CADPS: variants seen among roughly 807,000 people sequenced by gnomAD.
CADPS encodes the protein calcium-dependent secretion activator 1.
In CADPS, 57 loss-of-function variants were observed where a neutral mutation model predicts 167.3. The observed-to-expected ratio is 0.34, with a 90% CI of 0.28 to 0.42. The LOEUF (loss-of-function observed/expected upper bound fraction) is 0.42. Ranked by LOEUF, CADPS falls within the 20% of genes least tolerant of loss-of-function variation. CADPS has a pLI of 1.00. For synonymous variants in CADPS, 676 were observed against 635.3 expected (o/e 1.06, Z -0.96); for missense variants, 1,414 against 1,738.1 (o/e 0.81, Z 3.32).
At chr3:62,796,440 C>T (rs775849311) in intron 1 of CADPS, 1 of 152,168 alleles carries the variant, frequency 6.6e-6, no homozygotes, top group Non-Finnish European at 1.5e-5. Context: ...TTTTAAGAAG[C>T]ATGCTTACAA....
At position 62,602,124 on chromosome 3, in the gene CADPS, C is replaced by G. The variant is rs528447297; in HGVS notation, c.1326-9376G>C. On this transcript the variant is annotated intron_variant, in intron 6 of 29. Transcript: ENST00000383710. The surrounding 1 kb of genome is among the most constrained non-coding windows in gnomAD (Gnocchi z 4.4). ...TTTGCCACATAGGGAATATACCTCC[C>G]AAAATGACAGTAAACATCCACTGCA... Among the ~76,000 whole-genome samples, 1 of 152,204 alleles carries G rather than the reference C, an allele frequency of 6.6e-6. No homozygotes were observed. Among genetic ancestry groups the G allele is most frequent in the South Asian group, 2.1e-4 (1 of 4,816 alleles).
intron 3 of CADPS, among the ~76,000 whole-genome samples, chr3:62,695,373 C>G (rs570228395): frequency 6.6e-6 from 1 of 152,172 alleles, no homozygotes; most frequent in African/African-American, 2.4e-5. Flanking sequence ...AGAGAGCCAG[C>G]AAACAGAAGT....
chr3:62,820,334 T>C (rs1307679485), intron 1 of CADPS, among the ~76,000 whole-genome samples: 1 of 152,136 alleles, frequency 6.6e-6, no homozygotes, highest in African/African-American at 2.4e-5. Flanking sequence ...ATTCCACAAA[T>C]AGAGAAACAG....
intron 1 of CADPS, among the ~76,000 whole-genome samples, chr3:62,805,040 A>G (rs1225471408): frequency 6.6e-6 from 1 of 152,136 alleles, no homozygotes; most frequent in East Asian, 1.9e-4. Flanking sequence ...GACATTTAGG[A>G]CCAGATAATT....
chr3:62,413,163 T>A (rs944066316), intron 28 of CADPS, among the ~76,000 whole-genome samples: 2 of 152,146 alleles, frequency 1.3e-5, no homozygotes, highest in East Asian at 3.9e-4. Context: ...GGCACTGATG[T>A]GAATTTTCAG....
Position 62,852,310 on chromosome 3 carries a change from G to T in CADPS, c.441+22279C>A, listed in dbSNP as rs530666634. ...ATTCTCCATCCAGCTTTGTTCCGTT[G>T]CTGGTGAGGAACTGCGTTCCTCAGA... On this transcript the variant is annotated intron_variant, in intron 1 of 29. Coordinates refer to ENST00000383710, the MANE Select transcript of CADPS (RefSeq NM_003716.4). Among the ~76,000 whole-genome samples, 5 of 152,146 alleles carry T rather than the reference G, an allele frequency of 3.3e-5. No individual in the cohort carries two copies. The East Asian group carries it at 9.7e-4, about 29-fold the overall frequency.
intron 13 of CADPS, among the ~76,000 whole-genome samples, chr3:62,524,125 C>A (rs970513465): frequency 6.6e-5 from 10 of 152,156 alleles, no homozygotes; most frequent in Admixed American, 5.2e-4. Context: ...TTTATTACTT[C>A]TAGTTTTAGA....
rs78721911 is a variant in CADPS, at chr3:62,520,725, G to C, written c.2292-2475C>G. 7.2e-3 allele frequency among the ~76,000 whole-genome samples: 1,098 copies of C among 152,276 alleles called. 18 individuals are homozygous for C. Among genetic ancestry groups the C allele is most frequent in the African/African-American group, 0.025 (1,033 of 41,554 alleles). On this transcript the variant is annotated intron_variant, in intron 13 of 29. Transcript: ENST00000383710. Reference sequence around the variant, plus strand: ...TAACTGCCAGAATTGCTCTGAAATGGTATTGGTAACAGGAGATGCTGCTTT... The same window carrying C: ...TAACTGCCAGAATTGCTCTGAAATGCTATTGGTAACAGGAGATGCTGCTTT...
At chr3:62,466,610 C>A in intron 24 of CADPS, 197 bp from the exon 25 acceptor site, 1 of 634,620 alleles carries the variant, frequency 1.6e-6, no homozygotes, top group Non-Finnish European at 2.8e-6. Flanking sequence ...AAAAATATTA[C>A]CAAGTTCATT....
chr3:62,661,086 C>T (rs1271737134), intron 4 of CADPS, among the ~76,000 whole-genome samples: 1 of 152,144 alleles, frequency 6.6e-6, no homozygotes, highest in Non-Finnish European at 1.5e-5. Flanking sequence ...CAGCACTCAA[C>T]TAATATGACT....
chr3:62,798,960 A>G (rs945636399), intron 1 of CADPS, among the ~76,000 whole-genome samples: 1 of 152,178 alleles, frequency 6.6e-6, no homozygotes, highest in African/African-American at 2.4e-5. Flanking sequence ...CTCTCTAGAC[A>G]TCAGCAGATA....
chr3:62,697,963 T>C (rs1192031659), intron 3 of CADPS, among the ~76,000 whole-genome samples: 1 of 152,072 alleles, frequency 6.6e-6, no homozygotes, highest in Non-Finnish European at 1.5e-5. Context: ...TCTTTCTTGC[T>C]AATTTGAGTT....
At chr3:62,651,131 T>A (rs1563355405) in intron 4 of CADPS, 51 bp from the exon 5 acceptor site, 1 of 1,319,552 alleles carries the variant, frequency 7.6e-7, no homozygotes, top group East Asian at 2.3e-5. Context: ...GAAAGCTGAT[T>A]TATAAAGAAG....
chr3:62,625,168 TAAATA>T (rs2063823603), intron 6 of CADPS: 1 of 150,028 alleles, frequency 6.7e-6, no homozygotes, highest in African/African-American at 2.5e-5. Flanking sequence ...ACCTGAATTT[TAAATA>T]AAAGTTAATA....
At chr3:62,746,506 T>C (rs2081487175) in intron 3 of CADPS, among the ~76,000 whole-genome samples, 1 of 152,126 alleles carries the variant, frequency 6.6e-6, no homozygotes, top group Non-Finnish European at 1.5e-5. Flanking sequence ...CTGGCTAATT[T>C]TTTAAATGTT....
chr3:62,408,101 T>C (rs549339189), intron 28 of CADPS, among the ~76,000 whole-genome samples: 1 of 152,294 alleles, frequency 6.6e-6, no homozygotes, highest in South Asian at 2.1e-4. Context: ...GTAAGAAGCT[T>C]AGATCATTAA....
intron 1 of CADPS, among the ~76,000 whole-genome samples, chr3:62,868,783 C>T (rs976613908): frequency 2.0e-5 from 3 of 152,098 alleles, no homozygotes; most frequent in African/African-American, 4.8e-5. Context: ...CCAAATACAA[C>T]TTTGAATGAA....
At chr3:62,772,032 CTACTT>C (rs1227402634) in intron 1 of CADPS, among the ~76,000 whole-genome samples, 1 of 152,072 alleles carries the variant, frequency 6.6e-6, no homozygotes, top group Non-Finnish European at 1.5e-5. Context: ...AAAGCAATAT[CTACTT>C]TACAGAGTCT....
chr3:62,799,446 A>G (rs897672532), intron 1 of CADPS, among the ~76,000 whole-genome samples: 1 of 152,158 alleles, frequency 6.6e-6, no homozygotes, highest in African/African-American at 2.4e-5. Context: ...GAGAAAAATT[A>G]TACCTTCACA....
Sources: gnomAD v4.1 joint callset for allele counts (sites outside exome capture counted in the v4.1 genomes callset) on GRCh38, gnomAD v4.1.1 for gene constraint, Gnocchi (gnomAD v3.1) non-coding constraint, MANE v1.5 for transcripts, NCBI Gene and HGNC (gene_info 2026-07-23, HGNC 2026-07-21) for gene names.